GPC6: variants seen among roughly 807,000 people sequenced by gnomAD.
GPC6 encodes the protein glypican 6.
A neutral mutation model predicts 55.2 loss-of-function variants in GPC6; 14 were observed. The observed-to-expected ratio is 0.25, with a 90% confidence interval of 0.17 to 0.40. The LOEUF (loss-of-function observed/expected upper bound fraction) is 0.40. Among genes scored for constraint, GPC6 ranks in the 10% least tolerant of loss-of-function variants. GPC6 has a pLI of 1.00. For missense variants in GPC6, 641 were observed against 708.5 expected, an observed-to-expected ratio of 0.90 and a Z score of 1.08; for synonymous variants, 278 against 259.6, an observed-to-expected ratio of 1.07 and a Z score of -0.68.
chr13:94,191,320 T>G (rs1387965694), intron 4 of GPC6, among the ~76,000 whole-genome samples: 6 of 152,224 alleles, frequency 3.9e-5, no homozygotes, highest in African/African-American at 1.4e-4. Context: ...CATGAGATTC[T>G]GAGACATTTT....
intron 1 of GPC6, among the ~76,000 whole-genome samples, chr13:93,361,885 A>AT (rs1490415590): frequency 2.6e-5 from 4 of 152,194 alleles, no homozygotes; most frequent in Non-Finnish European, 4.4e-5. Context: ...AACTGGGAGA[A>AT]TTTCAAGAGA....
chr13:93,314,167 A>G (rs1879164716), intron 1 of GPC6, among the ~76,000 whole-genome samples: 1 of 152,160 alleles, frequency 6.6e-6, no homozygotes, highest in Admixed American at 6.6e-5. Context: ...ACAGAATTGC[A>G]TAAAAGAATT....
rs147926354 is a variant in GPC6, at chr13:94,017,803, G to A, written c.712-9926G>A. 4.7e-3 allele frequency among the ~76,000 whole-genome samples: 709 copies of A among 151,924 alleles called. 9 individuals are homozygous for A. Among genetic ancestry groups the A allele is most frequent in the African/African-American group, 0.016 (683 of 41,428 alleles). Reference sequence around the variant, plus strand: ...AAGCAATTATCTGTCTCAGCCTTCCGAGTAGCTGGGATTACAGGCACCCAC... The same window carrying A: ...AAGCAATTATCTGTCTCAGCCTTCCAAGTAGCTGGGATTACAGGCACCCAC... On this transcript the variant is annotated intron_variant, in intron 3 of 8. Coordinates refer to ENST00000377047, the MANE Select transcript of GPC6 (RefSeq NM_005708.5).
chr13:93,404,635 A>G (rs548871399), intron 1 of GPC6, among the ~76,000 whole-genome samples: 1 of 152,268 alleles, frequency 6.6e-6, no homozygotes, highest in South Asian at 2.1e-4. Flanking sequence ...TGTATTCGTT[A>G]CCACTGCAAT....
chr13:93,318,972 G>C (rs1879336609), intron 1 of GPC6, among the ~76,000 whole-genome samples: 3 of 152,126 alleles, frequency 2.0e-5, no homozygotes, highest in Non-Finnish European at 4.4e-5. Flanking sequence ...ATTGAACTTA[G>C]AGAGGTTGCA....
intron 4 of GPC6, among the ~76,000 whole-genome samples, chr13:94,261,132 G>C (rs1050011211): frequency 6.6e-6 from 1 of 152,098 alleles, no homozygotes; most frequent in African/African-American, 2.4e-5. Context: ...AAATTAGCCA[G>C]GCGTGGTGGT....
chr13:93,862,964 G>A (rs150220585), intron 3 of GPC6, among the ~76,000 whole-genome samples: 2 of 151,638 alleles, frequency 1.3e-5, no homozygotes, highest in East Asian at 3.9e-4. Context: ...ACTGTATCTG[G>A]CCCAAAGAAT....
intron 3 of GPC6, among the ~76,000 whole-genome samples, chr13:93,842,950 T>C (rs1329261944): frequency 1.3e-5 from 2 of 152,086 alleles, no homozygotes; most frequent in Admixed American, 1.3e-4. Context: ...GATAATTAAA[T>C]GTCAAAAGTT....
intron 3 of GPC6, among the ~76,000 whole-genome samples, chr13:94,002,146 A>G (rs1208220574): frequency 1.3e-5 from 2 of 152,064 alleles, no homozygotes; most frequent in Non-Finnish European, 2.9e-5. Context: ...GAGAAGATTT[A>G]CATCTCAAAG....
At chr13:94,208,258 G>A (rs1323710262) in intron 4 of GPC6, among the ~76,000 whole-genome samples, 1 of 152,186 alleles carries the variant, frequency 6.6e-6, no homozygotes, top group Non-Finnish European at 1.5e-5. Flanking sequence ...TTTGGGTAAA[G>A]CACCTAGTGG....
intron 4 of GPC6, among the ~76,000 whole-genome samples, chr13:94,280,092 C>A (rs1167199227): frequency 6.6e-6 from 1 of 152,106 alleles, no homozygotes; most frequent in Non-Finnish European, 1.5e-5. Flanking sequence ...CTTTGTAGGT[C>A]TCTAAGAACT....
Position 94,082,787 on chromosome 13 carries a change from C to A in GPC6, c.877+54893C>A, listed in dbSNP as rs1413411965. 2.0e-5 allele frequency among the ~76,000 whole-genome samples: 3 copies of A among 152,200 alleles called. No individual in the cohort carries two copies. The East Asian group carries it at 5.8e-4, about 29-fold the overall frequency. On this transcript the variant is annotated intron_variant, in intron 4 of 8. Coordinates refer to ENST00000377047, the MANE Select transcript of GPC6 (RefSeq NM_005708.5). ...ATCCTCCGTGAAACTTCCCCCAGAT[C>A]CTCAGCAAATCCTGCAACGTTTCAT... is the stretch of plus-strand genomic sequence containing the variant.
chr13:93,426,955 T>C (rs955273213), intron 1 of GPC6, among the ~76,000 whole-genome samples: 4 of 149,996 alleles, frequency 2.7e-5, no homozygotes, highest in East Asian at 3.9e-4. Flanking sequence ...TGGTATCTCA[T>C]TGTGGTTTTG....
rs1441058554 is a variant in GPC6 at position 93,939,032 on chromosome 13, G to T, written c.712-88697G>T. On this transcript the variant is annotated intron_variant, in intron 3 of 8. Transcript: ENST00000377047. ...CAGGAAAATCGCTTGAACCCAGGAGGTGGAGGCTGCAGTGAGCCCAGATCG... is the reference window on the plus strand; with the variant it reads ...CAGGAAAATCGCTTGAACCCAGGAGTTGGAGGCTGCAGTGAGCCCAGATCG... Among the ~76,000 whole-genome samples, 3 of 152,246 alleles carry T rather than the reference G, an allele frequency of 2.0e-5. No homozygotes were observed. The East Asian group carries it at 5.8e-4, about 29-fold the overall frequency.
At chr13:94,321,731 C>T (rs1420655050) in intron 6 of GPC6, among the ~76,000 whole-genome samples, 1 of 152,122 alleles carries the variant, frequency 6.6e-6, no homozygotes, top group Non-Finnish European at 1.5e-5. Flanking sequence ...AGGTTCAGCC[C>T]TAAACTTCCA....
intron 1 of GPC6, among the ~76,000 whole-genome samples, chr13:93,246,587 T>C (rs1455515460): frequency 6.6e-5 from 10 of 151,838 alleles, no homozygotes; most frequent in African/African-American, 1.7e-4. Flanking sequence ...CAAAAGCCAC[T>C]ATGATTGAGA....
intron 1 of GPC6, among the ~76,000 whole-genome samples, chr13:93,485,602 A>G (rs148727825): frequency 1.5e-4 from 23 of 152,318 alleles, no homozygotes; most frequent in African/African-American, 5.5e-4. Context: ...TACCTTGGAC[A>G]TGTTCCAAAT....
chr13:94,223,845 G>A (rs532464633), intron 4 of GPC6, among the ~76,000 whole-genome samples: 1 of 152,214 alleles, frequency 6.6e-6, no homozygotes, highest in East Asian at 1.9e-4. Context: ...AAATGTATAT[G>A]TAACCCCAAA....
At chr13:94,071,292 A>G (rs774945965) in intron 4 of GPC6, among the ~76,000 whole-genome samples, 2 of 152,246 alleles carry the variant, frequency 1.3e-5, no homozygotes, top group Non-Finnish European at 2.9e-5. Context: ...TTATACATTT[A>G]TAACTTAGAA....
Sources: gnomAD v4.1 joint callset for allele counts (sites outside exome capture counted in the v4.1 genomes callset) on GRCh38, gnomAD v4.1.1 for gene constraint, MANE v1.5 for transcripts, NCBI Gene and HGNC (gene_info 2026-07-23, HGNC 2026-07-21) for gene names.